ARAP3: variants seen among roughly 807,000 people sequenced by gnomAD.
The protein encoded by ARAP3 is ArfGAP with RhoGAP domain, ankyrin repeat and PH domain 3.
Under a neutral mutation model 169.2 loss-of-function variants are expected in ARAP3, and 82 were observed. The ratio of observed to expected loss-of-function variants is 0.48; its 90% CI spans 0.41 to 0.58. ARAP3 has a LOEUF of 0.58. Ranked by LOEUF, ARAP3 falls within the 20% of genes least tolerant of loss-of-function variation. The pLI, the probability that ARAP3 is intolerant of heterozygous loss-of-function variation, is 0.00. For missense variants in ARAP3, 1,764 were observed against 2,018.0 expected, an observed-to-expected ratio of 0.87 and a Z score of 2.41; for synonymous variants, 791 against 800.3, an observed-to-expected ratio of 0.99 and a Z score of 0.20.
In ARAP3 at chr5:141,672,352, A is replaced by G; in HGVS notation, c.1386-51T>C. 2.5e-6 allele frequency: 4 copies of G among 1,601,690 alleles called. No homozygotes were observed. The highest frequency in any genetic ancestry group is 1.7e-6 in the Non-Finnish European group (2 of 1,172,610). On this transcript the variant is annotated intron_variant, in intron 9 of 32. Transcript: ENST00000239440. The surrounding 1 kb of genome is among the most constrained non-coding windows in gnomAD (Gnocchi z 4.9). ...GGCATGGACCTACCTGCCATGTCCC[A>G]TCCCCCTGGCTCTTCCTGCAGGAGC...
Position 141,653,890 on chromosome 5 carries a change from G to A in ARAP3, c.*60C>T. On this transcript the variant is annotated 3_prime_UTR_variant, in exon 33 of 33. Transcript: ENST00000239440. ...CCAGGGCAGAGGAAGCTGCAACAGT[G>A]CCACGATAAGAGTTTCTGGGTCTTC... The A allele has an allele frequency of 3.3e-6, 5 of 1,504,080 alleles. No homozygotes were observed. The highest frequency in any genetic ancestry group is 4.4e-6 in the Non-Finnish European group (5 of 1,128,088). 93.2% of individuals were successfully genotyped at this position (1,504,080 alleles called of 1,614,324 possible).
At chr5:141,670,099 C>A (rs1317620226) in intron 14 of ARAP3, 36 bp from the exon 15 acceptor site, 1 of 1,577,460 alleles carries the variant, frequency 6.3e-7, no homozygotes, top group African/African-American at 1.4e-5. Context: ...AGCAGCAGAC[C>A]TCTGCCCCCA....
At chr5:141,668,096 A>G (rs1334506590) in intron 16 of ARAP3, among the ~76,000 whole-genome samples, 1 of 152,214 alleles carries the variant, frequency 6.6e-6, no homozygotes, top group Middle Eastern at 3.4e-3. Flanking sequence ...TCTGGATGAA[A>G]AAATGAAGAA....
At chr5:141,655,267 T>C (rs1272848069) in intron 32 of ARAP3, 95 bp downstream of exon 32, 2 of 1,095,454 alleles carry the variant, frequency 1.8e-6, no homozygotes, top group African/African-American at 4.2e-5. Context: ...CACCCCCTGA[T>C]GGCCTACATG....
At chr5:141,681,991 C>T (rs1449240523) in intron 1 of ARAP3, among the ~76,000 whole-genome samples, 182 bp downstream of exon 1, 2 of 136,950 alleles carry the variant, frequency 1.5e-5, no homozygotes, top group African/African-American at 5.5e-5. Context: ...GCGCAGGCTG[C>T]GACGAGGGAG....
chr5:141,679,563 T>C lies in ARAP3; in HGVS notation c.680A>G (p.Gln227Arg). The C allele has an allele frequency of 6.2e-7, 1 of 1,614,142 alleles. No individual in the cohort carries two copies. The highest frequency in any genetic ancestry group is 1.3e-5 in the African/African-American group (1 of 75,038). Residue 227 changes from glutamine (Q) to arginine (R), a missense_variant, in exon 4 of 33, where the codon CAG becomes CGG. Physicochemically the swap from Gln to Arg is conservative, Grantham distance 43 (BLOSUM62 1). Around this residue, in one of 3 missense-constraint regions of ARAP3, gnomAD observed 630 missense variants for 678.7 expected, o/e 0.93. Transcript: ENST00000239440. ...PDRRESRGVC[Q>R]GRAEHRLSRQ... Reference sequence around the variant, plus strand: ...TACTCACCTGTGTTCAGCCCTGCCCTGACAAACACCTCTGCTCTCTCTTCT... The same window carrying C: ...TACTCACCTGTGTTCAGCCCTGCCCCGACAAACACCTCTGCTCTCTCTTCT...
Position 141,672,495 on chromosome 5 carries a change from C to G in ARAP3, c.1385+57G>C. ...CTAAAGAGGCCTCTAGTCCTCTGCA[C>G]CCTTGTGCCTCCCGCAAAAGTCCCC... On this transcript the variant is annotated intron_variant, in intron 9 of 32. Coordinates refer to ENST00000239440, the MANE Select transcript of ARAP3 (RefSeq NM_022481.6). The surrounding 1 kb of genome is among the most constrained non-coding windows in gnomAD (Gnocchi z 4.9). 6.3e-7 allele frequency: 1 copy of G among 1,590,090 alleles called. No individual in the cohort carries two copies. The highest frequency in any genetic ancestry group is 8.6e-7 in the Non-Finnish European group (1 of 1,165,096).
Position 141,655,346 on chromosome 5 carries a change from C to A in ARAP3, c.4149+16G>T, listed in dbSNP as rs1304092227. 6.4e-7 allele frequency: 1 copy of A among 1,572,420 alleles called. No homozygotes were observed. Among genetic ancestry groups the A allele is most frequent in the East Asian group, 2.3e-5 (1 of 42,748 alleles). ...AGGGTTGACAGGCACACCGCTGGAG[C>A]AGGCACAATACTCACAAAGAACATG... On this transcript the variant is annotated intron_variant, in intron 32 of 32. Coordinates refer to ENST00000239440, the MANE Select transcript of ARAP3 (RefSeq NM_022481.6).
At chr5:141,667,248 A>G (rs2099910782) in intron 16 of ARAP3, among the ~76,000 whole-genome samples, 1 of 152,070 alleles carries the variant, frequency 6.6e-6, no homozygotes, top group Non-Finnish European at 1.5e-5. Context: ...AAGACTCATG[A>G]TGCCCTGGGA....
intron 23 of ARAP3, 44 bp from the exon 24 acceptor site, chr5:141,658,697 C>T: frequency 1.3e-6 from 2 of 1,511,622 alleles, no homozygotes; most frequent in Non-Finnish European, 1.8e-6. Context: ...AAAAAGGGTG[C>T]AAAAGACATC....
Position 141,659,457 on chromosome 5 carries a change from G to A in ARAP3, c.3287C>T (p.Ala1096Val). ...SVFDIDSDQVAQIDLEVSLIT... is the reference protein window; with the variant it reads ...SVFDIDSDQVVQIDLEVSLIT... Reference sequence around the variant, plus strand: ...AAGACTGACCTCCAAGTCAATCTGAGCTACCTGGTCAGAATCGATCTGTGA... The same window carrying A: ...AAGACTGACCTCCAAGTCAATCTGAACTACCTGGTCAGAATCGATCTGTGA... The change falls in exon 23 of 33, where the codon GCT (alanine) becomes GTT (valine). Residue 1096 changes from alanine (A) to valine (V), a missense_variant. Transcript: ENST00000239440. The A allele has an allele frequency of 6.2e-7, 1 of 1,614,198 alleles. No homozygotes were observed. Among genetic ancestry groups the A allele is most frequent in the South Asian group, 1.1e-5 (1 of 91,086 alleles).
intron 4 of ARAP3, among the ~76,000 whole-genome samples, chr5:141,674,281 C>T (rs2154599155): frequency 1.3e-5 from 2 of 151,594 alleles, no homozygotes; most frequent in Admixed American, 1.3e-4. Context: ...GACAGGGTCT[C>T]TCTCTCTCTC....
intron 16 of ARAP3, 34 bp downstream of exon 16, chr5:141,669,675 A>G: frequency 6.3e-7 from 1 of 1,594,496 alleles, no homozygotes; most frequent in Non-Finnish European, 8.6e-7. Context: ...CAAGGAAAGC[A>G]TGAGATGCTG....
At chr5:141,676,563 G>A (rs2099912216) in intron 4 of ARAP3, among the ~76,000 whole-genome samples, 1 of 152,060 alleles carries the variant, frequency 6.6e-6, no homozygotes, top group African/African-American at 2.4e-5. Flanking sequence ...TGAATTCTAA[G>A]TCCTATCATA....
rs368667708 is a variant in ARAP3 at position 141,656,539 on chromosome 5, G to A, written c.3754C>T (p.Arg1252Cys). 30 of 1,612,370 alleles carry A rather than the reference G, an allele frequency of 1.9e-5. No individual in the cohort carries two copies. Among genetic ancestry groups the A allele is most frequent in the Admixed American group, 3.3e-5 (2 of 59,766 alleles). ...SRFQERFFLL[R>C]GRCLLLLKEK... is the part of the protein sequence containing the mutation. ...TTGAGCAGCAGCAGGCAGCGGCCAC[G>A]CAGCAGAAAGAACCTCTCCTGGAAG... is the stretch of plus-strand genomic sequence containing the variant. Residue 1252 changes from arginine (R) to cysteine (C), a missense_variant, in exon 27 of 33, where the codon CGT becomes TGT. Arg to Cys is a radical substitution (Grantham distance 180). Coordinates refer to ENST00000239440, the MANE Select transcript of ARAP3 (RefSeq NM_022481.6).
intron 23 of ARAP3, 105 bp from the exon 24 acceptor site, chr5:141,658,758 G>T: frequency 2.0e-6 from 2 of 1,011,672 alleles, no homozygotes; most frequent in East Asian, 2.7e-5. Context: ...TCCAACAAAG[G>T]TCTCCTCCCA....
rs774013575 is a variant in ARAP3, at chr5:141,664,935, A to G, written c.2787T>C (p.Phe929=). 3.2e-6 allele frequency: 5 copies of G among 1,552,776 alleles called. No individual in the cohort carries two copies. The East Asian group carries it at 1.2e-4, about 39-fold the overall frequency. Residue 929 remains phenylalanine (F), a synonymous_variant, in exon 19 of 33, where the codon TTT becomes TTC. Coordinates refer to ENST00000239440, the MANE Select transcript of ARAP3 (RefSeq NM_022481.6). Reference sequence around the variant, plus strand: ...GTGCCTACTCACCATGCTGGGTAACAAAACTGATGCAGGCATCCACGATGA... The same window carrying G: ...GTGCCTACTCACCATGCTGGGTAACGAAACTGATGCAGGCATCCACGATGA... ...IPIIVDACIS[F]VTQHGLRLEG... is the part of the protein sequence containing the mutation.
In ARAP3 at chr5:141,654,091, C is replaced by T. The variant is rs760613175; in HGVS notation, c.4494G>A (p.Glu1498=). ...AAGGACTTCCCAGGCCTGCAGTGGTCTCTCCTTTCCTCAGGATGAGGCTGC... is the reference window on the plus strand; with the variant it reads ...AAGGACTTCCCAGGCCTGCAGTGGTTTCTCCTTTCCTCAGGATGAGGCTGC... The part of the protein sequence containing the change: ...ELSSLILRKG[E]TTAGLGSPSQ... Residue 1498 remains glutamate, a synonymous_variant, in exon 33 of 33, where the codon GAG becomes GAA. Coordinates refer to ENST00000239440, the MANE Select transcript of ARAP3 (RefSeq NM_022481.6). 1.2e-6 allele frequency: 2 copies of T among 1,610,570 alleles called. No individual in the cohort carries two copies. Among genetic ancestry groups the T allele is most frequent in the South Asian group, 1.1e-5 (1 of 90,674 alleles).
chr5:141,669,976 G>T lies in ARAP3; in HGVS notation c.2195C>A (p.Pro732His). 6.3e-7 allele frequency: 1 copy of T among 1,597,618 alleles called. No homozygotes were observed. Among genetic ancestry groups the T allele is most frequent in the Non-Finnish European group, 8.5e-7 (1 of 1,175,730 alleles). ...CACACCCAGACATACAATATCCTGG[G>T]GCTGTATGAGGCTGAGGGGTTCAGG... is the stretch of plus-strand genomic sequence containing the variant. ...NSPEPLSLIQ[P>H]QDIVCLGVSP... Residue 732 changes from proline (P) to histidine (H), a missense_variant, in exon 15 of 33, where the codon CCC becomes CAC. Physicochemically the swap from Pro to His is moderately conservative, Grantham distance 77 (BLOSUM62 -2). Transcript: ENST00000239440.
Sources: allele counts gnomAD v4.1 joint callset (sites outside exome capture counted in the v4.1 genomes callset), GRCh38; gene constraint gnomAD v4.1.1; regional missense constraint gnomAD v4.1.1; non-coding constraint Gnocchi (gnomAD v3.1); transcripts MANE v1.5; gene names NCBI Gene and HGNC (gene_info 2026-07-23, HGNC 2026-07-21).